The following CCDC171 variants were observed in gnomAD, a reference collection of about 807,000 sequenced individuals.
CCDC171 encodes coiled-coil domain-containing protein 171.
In CCDC171, 177 loss-of-function variants were observed where a neutral mutation model predicts 168.2. The observed-to-expected ratio is 1.05, with a 90% confidence interval of 0.93 to 1.19. CCDC171 has a LOEUF of 1.19. CCDC171 is among the 50% of genes most tolerant of loss of function. The pLI is 0.00. For synonymous variants in CCDC171, 687 were observed against 540.8 expected, an observed-to-expected ratio of 1.27 and a Z score of -3.75; for missense variants, 1,991 against 1,539.0, an observed-to-expected ratio of 1.29 and a Z score of -4.91.
At chr9:15,755,435 G>GA (rs776785382) in intron 18 of CCDC171, among the ~76,000 whole-genome samples, 9 of 152,232 alleles carry the variant, frequency 5.9e-5, no homozygotes, top group Admixed American at 2.0e-4. Context: ...ATGTATCCAA[G>GA]AGAAAGAGAA....
chr9:15,889,627 G>A (rs1055669003), intron 24 of CCDC171, among the ~76,000 whole-genome samples: 6 of 152,130 alleles, frequency 3.9e-5, no homozygotes, highest in African/African-American at 1.4e-4. Flanking sequence ...CAAACTAAAG[G>A]CACATTTTCA....
chr9:15,841,006 A>G (rs1238370574), intron 21 of CCDC171, among the ~76,000 whole-genome samples: 1 of 151,946 alleles, frequency 6.6e-6, no homozygotes, highest in Non-Finnish European at 1.5e-5. Flanking sequence ...TTTTATATTG[A>G]CACCATTTAG....
intron 24 of CCDC171, 64 bp from the exon 25 acceptor site, chr9:15,920,206 T>C (rs1825128246): frequency 9.6e-7 from 1 of 1,037,624 alleles, no homozygotes; most frequent in South Asian, 2.9e-5. Flanking sequence ...TTTCAAATTA[T>C]GGAAATTCTC....
intron 7 of CCDC171, among the ~76,000 whole-genome samples, chr9:15,645,132 G>T (rs1011445876): frequency 6.6e-6 from 1 of 152,218 alleles, no homozygotes; most frequent in South Asian, 2.1e-4. Context: ...AGGCACACAG[G>T]GTCTGGAGTG....
In CCDC171 at chr9:15,972,465, G is replaced by C. The variant is rs1243118157; in HGVS notation, c.*629G>C. 5 of 152,286 alleles carry C rather than the reference G, an allele frequency of 3.3e-5. No homozygotes were observed. Among genetic ancestry groups the C allele is most frequent in the Non-Finnish European group, 7.3e-5 (5 of 68,126 alleles). 9.4% of individuals were successfully genotyped at this position (152,286 alleles called of 1,614,324 possible). A position where few individuals can be genotyped will look rare whatever the true frequency, so the allele number is the denominator to read the frequency against. On this transcript the variant is annotated 3_prime_UTR_variant, in exon 26 of 26. Coordinates refer to ENST00000380701, the MANE Select transcript of CCDC171 (RefSeq NM_173550.4). ...TGATACCACTTGCCCATTTGAACAA[G>C]TTAAGTTAACTGCTGAATCTGGTCC...
chr9:16,056,289 G>A (rs1366220853), intron 1 of CCDC171, among the ~76,000 whole-genome samples: 3 of 152,168 alleles, frequency 2.0e-5, no homozygotes, highest in Non-Finnish European at 4.4e-5. Context: ...CTACAACAAT[G>A]GAACTGGTCT....
downstream of CCDC171, among the ~76,000 whole-genome samples, chr9:16,063,865 A>G (rs59457389): frequency 3.6e-3 from 553 of 152,350 alleles, 4 homozygotes; most frequent in African/African-American, 0.013. Flanking sequence ...GCTAAATTCT[A>G]GCAGAGCAAG....
chr9:15,780,103 A>G (rs2135427958), intron 20 of CCDC171, among the ~76,000 whole-genome samples: 1 of 152,334 alleles, frequency 6.6e-6, no homozygotes, highest in Non-Finnish European at 1.5e-5. Context: ...TAGTTTAGTT[A>G]TTAATCCTAT....
chr9:15,984,328 G>A (rs1011135391), intron 3 of CCDC171, among the ~76,000 whole-genome samples: 2 of 152,136 alleles, frequency 1.3e-5, no homozygotes, highest in African/African-American at 4.8e-5. Flanking sequence ...GCCGGTAATA[G>A]TGTCACTGTG....
At chr9:15,706,293 G>A (rs1331637910) in intron 11 of CCDC171, among the ~76,000 whole-genome samples, 1 of 145,912 alleles carries the variant, frequency 6.9e-6, no homozygotes, top group African/African-American at 2.5e-5. Flanking sequence ...TTCTTTTTCT[G>A]CATCTTTTCT....
At chr9:15,668,846 C>G (rs1431590114) in intron 9 of CCDC171, among the ~76,000 whole-genome samples, 6 of 152,038 alleles carry the variant, frequency 3.9e-5, no homozygotes, top group Non-Finnish European at 8.8e-5. Context: ...AAAGAAGATT[C>G]TGAATTTCTG....
intron 7 of CCDC171, among the ~76,000 whole-genome samples, chr9:15,632,636 A>G (rs958795225): frequency 2.0e-5 from 3 of 152,196 alleles, no homozygotes; most frequent in African/African-American, 7.2e-5. Flanking sequence ...CCATCAAGCT[A>G]CCAATGACTT....
At chr9:15,732,643 C>G (rs1410815809) in intron 16 of CCDC171, among the ~76,000 whole-genome samples, 1 of 152,078 alleles carries the variant, frequency 6.6e-6, no homozygotes, top group African/African-American at 2.4e-5. Context: ...CTTTTTACTG[C>G]TGAATAATGT....
intron 18 of CCDC171, among the ~76,000 whole-genome samples, chr9:15,751,617 C>G (rs551876417): frequency 6.6e-6 from 1 of 152,302 alleles, no homozygotes; most frequent in African/African-American, 2.4e-5. Context: ...ACATCTACAA[C>G]CATCTGGTCT....
intron 6 of CCDC171, among the ~76,000 whole-genome samples, chr9:15,604,097 T>G (rs2043056759): frequency 7.1e-6 from 1 of 140,364 alleles, no homozygotes; most frequent in Non-Finnish European, 1.6e-5. Context: ...TTTTGATGGT[T>G]TTTTTTTTTC....
intron 4 of CCDC171, chr9:15,587,634 A>G: frequency 4.4e-6 from 2 of 456,730 alleles, no homozygotes; most frequent in Non-Finnish European, 8.8e-6. Flanking sequence ...AGCCATCCAG[A>G]TCCTTCTCCA....
chr9:15,789,561 A>C (rs914047693), intron 21 of CCDC171, among the ~76,000 whole-genome samples: 1 of 152,212 alleles, frequency 6.6e-6, no homozygotes, highest in Non-Finnish European at 1.5e-5. Flanking sequence ...ACAAAGAGTA[A>C]GATCAACGAA....
chr9:15,560,615 G>A (rs1472448280), intron 1 of CCDC171, among the ~76,000 whole-genome samples: 1 of 152,092 alleles, frequency 6.6e-6, no homozygotes, highest in African/African-American at 2.4e-5. Flanking sequence ...GTTTATTCTA[G>A]TTAGCCATTC....
chr9:16,018,405 A>G (rs1192415145), intron 3 of CCDC171, among the ~76,000 whole-genome samples: 1 of 152,122 alleles, frequency 6.6e-6, no homozygotes, highest in Non-Finnish European at 1.5e-5. Flanking sequence ...ATGTCAATAT[A>G]TAAGCATTAA....
Sources: allele counts gnomAD v4.1 joint callset (sites outside exome capture counted in the v4.1 genomes callset), GRCh38; gene constraint gnomAD v4.1.1; transcripts MANE v1.5; gene names NCBI Gene and HGNC (gene_info 2026-07-23, HGNC 2026-07-21).